The following ST7 variants were observed in gnomAD, a reference collection of about 807,000 sequenced individuals.
ST7 encodes suppression of tumorigenicity 7.
ST7 carries 28 observed loss-of-function variants against 78.7 expected under a neutral mutation model. The ratio of observed to expected loss-of-function variants is 0.36; its 90% CI spans 0.26 to 0.49. The LOEUF is 0.49. Among genes scored for constraint, ST7 ranks in the 20% least tolerant of loss-of-function variants. The pLI is 0.99. For missense variants in ST7, 418 were observed against 696.0 expected (o/e 0.60, Z 4.49); for synonymous variants, 247 against 249.6 (o/e 0.99, Z 0.10).
chr7:117,028,714 A>G (rs575441659), intron 1 of ST7, among the ~76,000 whole-genome samples: 1 of 152,300 alleles, frequency 6.6e-6, no homozygotes, highest in South Asian at 2.1e-4. Flanking sequence ...CTGTGGGTTG[A>G]CTGGACTCCA....
At chr7:116,966,262 T>C (rs1269373303) in intron 1 of ST7, 1 of 292,056 alleles carries the variant, frequency 3.4e-6, no homozygotes, top group African/African-American at 2.3e-5. Context: ...TTTTTTTTTT[T>C]TTTTTAAGAT....
chr7:116,999,430 C>T (rs1794821126), intron 1 of ST7, among the ~76,000 whole-genome samples: 1 of 152,080 alleles, frequency 6.6e-6, no homozygotes, highest in African/African-American at 2.4e-5. Flanking sequence ...AGTAAGTGCA[C>T]AAACAACAAA....
intron 1 of ST7, among the ~76,000 whole-genome samples, chr7:117,083,979 T>C (rs969384108): frequency 6.6e-6 from 1 of 152,170 alleles, no homozygotes; most frequent in African/African-American, 2.4e-5. Flanking sequence ...GTAGAGGACA[T>C]AGGCATTTGG....
intron 12 of ST7, among the ~76,000 whole-genome samples, chr7:117,201,323 A>C (rs1810823785): frequency 6.6e-6 from 1 of 152,188 alleles, no homozygotes. Context: ...ATTTCTCAGG[A>C]ATAGGAAGTT....
intron 1 of ST7, among the ~76,000 whole-genome samples, chr7:117,078,801 T>C (rs1348632521): frequency 2.0e-5 from 3 of 152,222 alleles, no homozygotes; most frequent in African/African-American, 4.8e-5. Flanking sequence ...TCTCTTTTAG[T>C]GTTTCATTTA....
At chr7:117,169,267 C>A (rs993170679) in intron 9 of ST7, among the ~76,000 whole-genome samples, 1 of 151,876 alleles carries the variant, frequency 6.6e-6, no homozygotes, top group South Asian at 2.1e-4. Flanking sequence ...TCCTAAGTAG[C>A]TGGGACTACA....
At chr7:117,109,837 A>G (rs1037985117) in intron 2 of ST7, among the ~76,000 whole-genome samples, 1 of 152,244 alleles carries the variant, frequency 6.6e-6, no homozygotes, top group African/African-American at 2.4e-5. Flanking sequence ...CAAAAAGATA[A>G]TTCACCATGA....
intron 8 of ST7, among the ~76,000 whole-genome samples, chr7:117,137,960 C>CT (rs1287113039): frequency 6.6e-6 from 1 of 152,000 alleles, no homozygotes; most frequent in African/African-American, 2.4e-5. Flanking sequence ...AAATCAACTG[C>CT]TTAGGGGACC....
chr7:116,992,342 T>C (rs921716433), intron 1 of ST7, among the ~76,000 whole-genome samples: 1 of 152,204 alleles, frequency 6.6e-6, no homozygotes, highest in Non-Finnish European at 1.5e-5. Context: ...TCCATACGTC[T>C]TCTGAAATCT....
At chr7:117,089,896 G>A (rs1335348549) in intron 1 of ST7, among the ~76,000 whole-genome samples, 1 of 151,904 alleles carries the variant, frequency 6.6e-6, no homozygotes, top group Non-Finnish European at 1.5e-5. Context: ...AAACTTTCTT[G>A]CATGCTAACA....
chr7:117,090,491 A>G (rs553746209), intron 1 of ST7, among the ~76,000 whole-genome samples: 1 of 152,266 alleles, frequency 6.6e-6, no homozygotes, highest in Admixed American at 6.5e-5. Flanking sequence ...ATTGAGACAC[A>G]GTGTGTGTGC....
intron 9 of ST7, among the ~76,000 whole-genome samples, chr7:117,155,579 T>A (rs1806625523): frequency 6.6e-6 from 1 of 152,138 alleles, no homozygotes; most frequent in African/African-American, 2.4e-5. Context: ...GACATATGTA[T>A]CTCAACGCCC....
At chr7:117,171,487 C>T (rs1443296300) in intron 10 of ST7, among the ~76,000 whole-genome samples, 2 of 152,026 alleles carry the variant, frequency 1.3e-5, no homozygotes, top group East Asian at 3.8e-4. Context: ...CAGCTCTTCT[C>T]ATTAGCAGCA....
chr7:117,035,212 T>C (rs1416670232), intron 1 of ST7, among the ~76,000 whole-genome samples: 1 of 151,112 alleles, frequency 6.6e-6, no homozygotes, highest in Non-Finnish European at 1.5e-5. Flanking sequence ...GCTGCACACC[T>C]GACTATAGTC....
At chr7:117,035,271 G>A (rs1393822522) in intron 1 of ST7, among the ~76,000 whole-genome samples, 1 of 152,074 alleles carries the variant, frequency 6.6e-6, no homozygotes, top group Non-Finnish European at 1.5e-5. Flanking sequence ...TCTTGTTGAG[G>A]AAGTGGAGTC....
intron 1 of ST7, among the ~76,000 whole-genome samples, chr7:116,961,035 C>G (rs1477160618): frequency 6.6e-6 from 1 of 152,164 alleles, no homozygotes; most frequent in Non-Finnish European, 1.5e-5. Context: ...ATATGGCTAG[C>G]CAGATATCCC....
chr7:117,191,067 T>TA (rs1362843233), intron 12 of ST7, 131 bp downstream of exon 12: 2 of 719,636 alleles, frequency 2.8e-6, no homozygotes, highest in African/African-American at 3.5e-5. Context: ...AGACCCTGTA[T>TA]AATGTATGGG....
chr7:117,198,307 T>C (rs774417666), intron 12 of ST7: 1 of 456,450 alleles, frequency 2.2e-6, no homozygotes, highest in African/African-American at 2.0e-5. Flanking sequence ...CCGTTCTATT[T>C]CTGTGCTTGC....
chr7:117,072,069 A>G (rs542723940), intron 1 of ST7: 3 of 152,340 alleles, frequency 2.0e-5, no homozygotes, highest in Admixed American at 2.0e-4. Context: ...ATATATCCTA[A>G]TGTCATAAGC....
Sources: allele counts gnomAD v4.1 joint callset (sites outside exome capture counted in the v4.1 genomes callset), GRCh38; gene constraint gnomAD v4.1.1; transcripts MANE v1.5; gene names NCBI Gene and HGNC (gene_info 2026-07-23, HGNC 2026-07-21).